Variants in ANO4 observed in about 807,000 individuals in gnomAD.
ANO4 encodes anoctamin 4.
In ANO4, 69 loss-of-function variants were observed where a neutral mutation model predicts 141.9. The ratio of observed to expected loss-of-function variants is 0.49; its 90% CI spans 0.40 to 0.59. The LOEUF (loss-of-function observed/expected upper bound fraction) is 0.59, where lower values mean the gene tolerates loss of function less well. ANO4 is among the 20% of genes least tolerant of loss of function. ANO4 has a pLI of 0.00. For missense variants in ANO4, 894 were observed against 1,162.2 expected, an observed-to-expected ratio of 0.77 and a Z score of 3.36; for synonymous variants, 350 against 394.3, an observed-to-expected ratio of 0.89 and a Z score of 1.33.
chr12:101,106,577 A>G (rs868734668), intron 22 of ANO4, among the ~76,000 whole-genome samples: 81 of 148,608 alleles, frequency 5.5e-4, no homozygotes, highest in Non-Finnish European at 8.6e-4. Context: ...GTGTGTGTAT[A>G]TATATATATA....
At chr12:100,850,108 T>C (rs2037789768) in intron 1 of ANO4, among the ~76,000 whole-genome samples, 1 of 152,238 alleles carries the variant, frequency 6.6e-6, no homozygotes, top group South Asian at 2.1e-4. Flanking sequence ...TCTATTAAAT[T>C]AATCGTTTAT....
chr12:100,991,741 TC>T (rs1335042602), intron 8 of ANO4, among the ~76,000 whole-genome samples: 27 of 152,242 alleles, frequency 1.8e-4, no homozygotes, highest in African/African-American at 6.5e-4. Context: ...ACTATGCCTT[TC>T]TCACTCATTT....
At chr12:100,932,590 A>G (rs2042126091) in intron 3 of ANO4, among the ~76,000 whole-genome samples, 1 of 152,214 alleles carries the variant, frequency 6.6e-6, no homozygotes, top group South Asian at 2.1e-4. Context: ...AACATCTCAA[A>G]TGATTTTCAC....
rs1450220397 is a variant in ANO4, at chr12:100,966,898, CACACACAT to C, written c.457-4404_457-4397del. Among the ~76,000 whole-genome samples the C allele has an allele frequency of 6.6e-5, 10 of 151,642 alleles. No individual in the cohort carries two copies. The East Asian group carries it at 1.7e-3, about 26-fold the overall frequency. ...ACACACACACATACACACACACACA[CACACACAT>C]ACATATATATATGCATACACACTCC... On this transcript the variant is annotated intron_variant, in intron 5 of 27. Coordinates refer to ENST00000392977, the MANE Select transcript of ANO4 (RefSeq NM_001286615.2).
chr12:100,758,618 C>T (rs1223837824), intron 3 of ANO4, among the ~76,000 whole-genome samples: 2 of 152,200 alleles, frequency 1.3e-5, no homozygotes, highest in Non-Finnish European at 1.5e-5. Flanking sequence ...CACACATGAC[C>T]CTGTTTGATG....
intron 5 of ANO4, among the ~76,000 whole-genome samples, chr12:100,948,335 C>A (rs2042826642): frequency 6.6e-6 from 1 of 152,030 alleles, no homozygotes; most frequent in South Asian, 2.1e-4. Flanking sequence ...TAACCACTTA[C>A]AAGCTGAGTG....
chr12:100,718,979 C>T (rs958472985), intron 1 of ANO4, among the ~76,000 whole-genome samples: 4 of 152,052 alleles, frequency 2.6e-5, no homozygotes, highest in African/African-American at 9.7e-5. Flanking sequence ...AATAGGTTTA[C>T]GTAATGATCA....
intron 8 of ANO4, among the ~76,000 whole-genome samples, chr12:101,006,669 C>G (rs1181484352): frequency 1.3e-5 from 2 of 152,184 alleles, no homozygotes; most frequent in African/African-American, 2.4e-5. Flanking sequence ...ACATCATGAA[C>G]CTCAATGCTG....
chr12:101,105,217 C>A (rs2050393522), intron 22 of ANO4, among the ~76,000 whole-genome samples: 1 of 152,160 alleles, frequency 6.6e-6, no homozygotes, highest in Non-Finnish European at 1.5e-5. Flanking sequence ...TATGCCAGCA[C>A]TAGCCCAGCT....
chr12:100,890,095 A>G (rs935185712), intron 1 of ANO4, among the ~76,000 whole-genome samples: 1 of 150,172 alleles, frequency 6.7e-6, no homozygotes, highest in Non-Finnish European at 1.5e-5. Context: ...GATACTAAGT[A>G]CTATTTATTG....
chr12:100,813,340 G>A (rs532407221), intron 1 of ANO4, among the ~76,000 whole-genome samples: 3 of 152,262 alleles, frequency 2.0e-5, no homozygotes, highest in Non-Finnish European at 4.4e-5. Context: ...TCCTTTTGGG[G>A]CAGGGAACCC....
chr12:100,757,186 C>T (rs541330063), intron 3 of ANO4, among the ~76,000 whole-genome samples: 46 of 152,310 alleles, frequency 3.0e-4, no homozygotes, highest in Non-Finnish European at 1.5e-5. Context: ...CTGCTCCTCA[C>T]ATCCAGGTGG....
intron 3 of ANO4, among the ~76,000 whole-genome samples, chr12:100,923,398 A>G (rs1358762461): frequency 2.7e-5 from 4 of 146,398 alleles, no homozygotes; most frequent in South Asian, 4.2e-4. Context: ...TTGGTTTTCT[A>G]TCCTTGTGAT....
intron 1 of ANO4, among the ~76,000 whole-genome samples, chr12:100,808,464 T>G (rs2035196512): frequency 6.6e-6 from 1 of 152,206 alleles, no homozygotes; most frequent in Non-Finnish European, 1.5e-5. Context: ...GCCAGATGTA[T>G]AGTTTGCAAA....
At chr12:100,788,345 T>C (rs1290045751) in intron 3 of ANO4, among the ~76,000 whole-genome samples, 1 of 152,190 alleles carries the variant, frequency 6.6e-6, no homozygotes, top group Non-Finnish European at 1.5e-5. Flanking sequence ...ATTAAATAAA[T>C]GTAATTTAAC....
intron 8 of ANO4, among the ~76,000 whole-genome samples, chr12:101,011,400 C>A (rs2046089364): frequency 7.2e-6 from 1 of 139,728 alleles, no homozygotes; most frequent in Non-Finnish European, 1.5e-5. Flanking sequence ...AGAAAATATT[C>A]TCATTCCCAT....
chr12:101,063,745 C>CTTTTTTTTAT (rs2048448180), intron 14 of ANO4, among the ~76,000 whole-genome samples: 1 of 24,772 alleles, frequency 4.0e-5, no homozygotes, highest in Non-Finnish European at 6.7e-5. Flanking sequence ...TCCAGGTTAT[C>CTTTTTTTTAT]TTTTTTTTTT....
chr12:100,855,038 G>A (rs914922773), intron 1 of ANO4, among the ~76,000 whole-genome samples: 4 of 151,980 alleles, frequency 2.6e-5, no homozygotes, highest in African/African-American at 9.7e-5. Context: ...AAACCCCTAA[G>A]TTCTAAAGTC....
chr12:100,912,138 G>A (rs972578978), intron 2 of ANO4, among the ~76,000 whole-genome samples: 4 of 152,004 alleles, frequency 2.6e-5, no homozygotes, highest in Admixed American at 1.3e-4. Context: ...GCTCATATAC[G>A]TAATCCTAGC....
Sources: gnomAD v4.1 joint callset for allele counts (sites outside exome capture counted in the v4.1 genomes callset) on GRCh38, gnomAD v4.1.1 for gene constraint, MANE v1.5 for transcripts, NCBI Gene and HGNC (gene_info 2026-07-23, HGNC 2026-07-21) for gene names.